SGCD: variants seen among roughly 807,000 people sequenced by gnomAD.
The protein encoded by SGCD is sarcoglycan delta, also known as delta-sarcoglycan.
A neutral mutation model predicts 36.6 loss-of-function variants in SGCD; 18 were observed. That is an observed-to-expected ratio of 0.49 (90% CI 0.34 to 0.73). The LOEUF (loss-of-function observed/expected upper bound fraction) is 0.73. Among genes scored for constraint, SGCD ranks in the 30% least tolerant of loss-of-function variants. The probability of loss-of-function intolerance (pLI) is 0.01; values close to 1 mark genes in which losing one functional copy is unlikely to be tolerated. For missense variants in SGCD, 387 were observed against 346.7 expected (o/e 1.12, Z -0.92); for synonymous variants, 133 against 130.6 (o/e 1.02, Z -0.12).
At chr5:156,278,057 A>T (rs1417214279) in intron 3 of SGCD, among the ~76,000 whole-genome samples, 1 of 152,208 alleles carries the variant, frequency 6.6e-6, no homozygotes, top group Non-Finnish European at 1.5e-5. Context: ...GTTGTAAGGA[A>T]AGGTGATGCT....
At chr5:155,783,450 T>C in the SGCD span, among the ~76,000 whole-genome samples, 4 of 152,182 alleles carry the variant, frequency 2.6e-5, no homozygotes, top group Non-Finnish European at 2.9e-5. Context: ...GTGGGGCTTC[T>C]CTTGATAACA....
At chr5:156,444,064 T>TTCTCTCTCTCTCTCTCTC (rs535098783) in intron 3 of SGCD, among the ~76,000 whole-genome samples, 3 of 34,500 alleles carry the variant, frequency 8.7e-5, no homozygotes, top group African/African-American at 3.0e-4. Context: ...CTTTCTCTCC[T>TTCTCTCTCTCTCTCTCTC]TCTCTCTCTC....
intron 1 of SGCD, among the ~76,000 whole-genome samples, chr5:156,067,845 C>G (rs1471041400): frequency 2.1e-5 from 3 of 140,862 alleles, no homozygotes; most frequent in African/African-American, 9.3e-5. Context: ...CTGTCTGGCA[C>G]TCCCTAGAGA....
At chr5:155,796,643 A>G in the SGCD span, among the ~76,000 whole-genome samples, 1 of 151,778 alleles carries the variant, frequency 6.6e-6, no homozygotes, top group Admixed American at 6.6e-5. Flanking sequence ...GTCTCTATTA[A>G]AAATACAAAA....
At chr5:156,451,459 A>C (rs1754011028) in intron 3 of SGCD, among the ~76,000 whole-genome samples, 4 of 151,938 alleles carry the variant, frequency 2.6e-5, no homozygotes, top group African/African-American at 9.7e-5. Context: ...TGATCTGTCT[A>C]CTCCAGATAC....
chr5:156,255,924 T>G (rs931273098), intron 3 of SGCD, among the ~76,000 whole-genome samples: 1 of 151,466 alleles, frequency 6.6e-6, no homozygotes, highest in African/African-American at 2.4e-5. Context: ...AGCTGGACAC[T>G]TAGTTCAATA....
At chr5:156,024,502 G>A (rs1581047956) in intron 1 of SGCD, among the ~76,000 whole-genome samples, 1 of 151,956 alleles carries the variant, frequency 6.6e-6, no homozygotes, top group East Asian at 1.9e-4. Context: ...AAGCTTTCTG[G>A]ATTCTTCCTC....
In SGCD at chr5:156,620,673, C is replaced by A. The variant is rs888356328; in HGVS notation, c.502+25622C>A. 1.7e-4 allele frequency among the ~76,000 whole-genome samples: 26 copies of A among 152,174 alleles called. No homozygotes were observed. In the South Asian group the frequency reaches 2.1e-3, roughly 12 times the overall value. On this transcript the variant is annotated intron_variant, in intron 6 of 8. Coordinates refer to ENST00000337851, the MANE Select transcript of SGCD (RefSeq NM_000337.6). Reference sequence around the variant, plus strand: ...GCAGCTTCCTATGCAGCAGCAAGAACAGGGACTATGGTGTGACAGAGGAGG... The same window carrying A: ...GCAGCTTCCTATGCAGCAGCAAGAAAAGGGACTATGGTGTGACAGAGGAGG...
chr5:155,963,147 G>A (rs1421705620), intron 1 of SGCD, among the ~76,000 whole-genome samples: 1 of 152,176 alleles, frequency 6.6e-6, no homozygotes, highest in South Asian at 2.1e-4. Context: ...CACCACCAAA[G>A]CAGTTCCTAA....
At chr5:156,178,700 C>A (rs1763529696) in intron 3 of SGCD, among the ~76,000 whole-genome samples, 1 of 152,036 alleles carries the variant, frequency 6.6e-6, no homozygotes, top group Non-Finnish European at 1.5e-5. Flanking sequence ...CTCAGCCTCC[C>A]AAGTAGCTGG....
chr5:156,423,226 ATTGTATTATATT>A (rs1773441222), intron 3 of SGCD, among the ~76,000 whole-genome samples: 1 of 7,498 alleles, frequency 1.3e-4, no homozygotes, highest in Non-Finnish European at 3.5e-4. Context: ...AATATAATAT[ATTGTATTATATT>A]ATATTTTATA....
intron 3 of SGCD, among the ~76,000 whole-genome samples, chr5:156,244,271 T>C (rs1581191712): frequency 6.6e-6 from 1 of 151,934 alleles, no homozygotes; most frequent in Admixed American, 6.6e-5. Context: ...AGAAAAAAAA[T>C]TGAGGAACCG....
intron 1 of SGCD, among the ~76,000 whole-genome samples, chr5:156,057,017 A>G (rs2127582785): frequency 6.8e-6 from 1 of 146,592 alleles, no homozygotes; most frequent in Admixed American, 6.8e-5. Context: ...ATCTATACAG[A>G]TAGTCATTAA....
intron 1 of SGCD, among the ~76,000 whole-genome samples, chr5:156,020,844 G>A (rs939564302): frequency 4.6e-5 from 7 of 152,132 alleles, no homozygotes; most frequent in Non-Finnish European, 1.0e-4. Context: ...CAGTTGATGT[G>A]CAGTTTATGA....
At chr5:155,856,064 T>C in the SGCD span, among the ~76,000 whole-genome samples, 1 of 152,220 alleles carries the variant, frequency 6.6e-6, no homozygotes, top group Non-Finnish European at 1.5e-5. Context: ...AGATTAAATG[T>C]TGCAGAAGAA....
At chr5:156,212,026 A>C (rs561399439) in intron 3 of SGCD, among the ~76,000 whole-genome samples, 1 of 152,342 alleles carries the variant, frequency 6.6e-6, no homozygotes, top group South Asian at 2.1e-4. Flanking sequence ...AATGATAAAA[A>C]GTAAGGAATC....
chr5:156,335,864 T>C (rs1398182977), intron 2 of SGCD, among the ~76,000 whole-genome samples: 1 of 152,018 alleles, frequency 6.6e-6, no homozygotes, highest in East Asian at 1.9e-4. Context: ...CCCACCTGTC[T>C]ATAGGCCTGG....
chr5:156,221,620 G>A (rs529563958), intron 3 of SGCD, among the ~76,000 whole-genome samples: 2 of 151,764 alleles, frequency 1.3e-5, no homozygotes, highest in South Asian at 2.1e-4. Flanking sequence ...TAGGGTAACT[G>A]TGATCATCAC....
At chr5:155,966,829 GA>G (rs1257980843) in intron 1 of SGCD, among the ~76,000 whole-genome samples, 7 of 152,050 alleles carry the variant, frequency 4.6e-5, no homozygotes, top group African/African-American at 1.7e-4. Context: ...AAATGTTAAT[GA>G]ACTTCGTATG....
Sources: gnomAD v4.1 joint callset for allele counts (sites outside exome capture counted in the v4.1 genomes callset) on GRCh38, gnomAD v4.1.1 for gene constraint, MANE v1.5 for transcripts, NCBI Gene and HGNC (gene_info 2026-07-23, HGNC 2026-07-21) for gene names.